Variants in IGSF21 observed in about 807,000 individuals in gnomAD.
IGSF21 encodes immunoglobin superfamily member 21.
Under a neutral mutation model 46.8 loss-of-function variants are expected in IGSF21, and 28 were observed. That is an observed-to-expected ratio of 0.60 (90% CI 0.44 to 0.82). The LOEUF is 0.82. Among genes scored for constraint, IGSF21 ranks in the 40% least tolerant of loss-of-function variants. The probability of loss-of-function intolerance (pLI) is 0.00; values close to 1 mark genes in which losing one functional copy is unlikely to be tolerated. For synonymous variants in IGSF21, 284 were observed against 273.6 expected, an observed-to-expected ratio of 1.04 and a Z score of -0.38; for missense variants, 624 against 665.5, an observed-to-expected ratio of 0.94 and a Z score of 0.69.
chr1:18,175,478 A>C (rs1297813232), intron 1 of IGSF21, among the ~76,000 whole-genome samples: 1 of 152,204 alleles, frequency 6.6e-6, no homozygotes, highest in Non-Finnish European at 1.5e-5. Context: ...CCATGGAATA[A>C]CAAGGGCAGC....
chr1:18,318,737 G>A (rs223210), intron 3 of IGSF21, among the ~76,000 whole-genome samples: 4,874 of 152,048 alleles, frequency 0.032, 246 homozygotes, highest in African/African-American at 0.11. Flanking sequence ...GCCCAGAATC[G>A]GCCTGTCAAC....
chr1:18,156,518 C>T (rs868373388), intron 1 of IGSF21, among the ~76,000 whole-genome samples: 8 of 152,352 alleles, frequency 5.3e-5, no homozygotes, highest in Middle Eastern at 3.4e-3. Flanking sequence ...ACAACAAAGC[C>T]ACTGTCCCCG....
At chr1:18,188,787 T>G (rs1182866385) in intron 1 of IGSF21, among the ~76,000 whole-genome samples, 1 of 152,166 alleles carries the variant, frequency 6.6e-6, no homozygotes, top group Non-Finnish European at 1.5e-5. Context: ...AGAAGCAAAG[T>G]CAGTTGATCA....
chr1:18,344,014 G>C (rs1192106157), intron 4 of IGSF21, among the ~76,000 whole-genome samples: 10 of 152,136 alleles, frequency 6.6e-5, no homozygotes, highest in African/African-American at 1.7e-4. Context: ...GGTAATGAAG[G>C]CTGAGTCTAC....
chr1:18,368,514 AAG>A (rs1462998155), intron 6 of IGSF21, among the ~76,000 whole-genome samples: 2 of 123,850 alleles, frequency 1.6e-5, no homozygotes, highest in Admixed American at 8.8e-5. Context: ...TCATCTCAAA[AAG>A]AAAAAAAAAA....
rs141820553 is a variant in IGSF21 at position 18,365,497 on chromosome 1, G to A, written c.815G>A (p.Arg272His). ...TENIPETVVS[R>H]EFPRWVHSAE... The stretch of plus-strand genomic sequence containing the variant: ...AACATACCAGAGACGGTCGTGAGCC[G>A]TGAGTTTCCCCGCTGGGTCCACAGC... The change falls in exon 6 of 10, where the codon CGT becomes CAT. Residue 272 changes from arginine (R) to histidine (H), a missense_variant. Coordinates refer to ENST00000251296, the MANE Select transcript of IGSF21 (RefSeq NM_032880.5). This position sits in a 1 kb window ranked among gnomAD's most constrained non-coding sequence, Gnocchi z 4.8. The A allele has an allele frequency of 2.8e-4, 453 of 1,613,912 alleles. 1 individual carries two copies. Among genetic ancestry groups the A allele is most frequent in the South Asian group, 1.7e-3 (155 of 91,054 alleles).
chr1:18,347,973 A>G (rs1037333027), intron 4 of IGSF21, among the ~76,000 whole-genome samples: 2 of 152,212 alleles, frequency 1.3e-5, no homozygotes, highest in African/African-American at 4.8e-5. Context: ...TCATTTTGAT[A>G]TAGGACAGCC....
intron 2 of IGSF21, among the ~76,000 whole-genome samples, chr1:18,237,965 G>A (rs2084688451): frequency 6.6e-6 from 1 of 151,898 alleles, no homozygotes; most frequent in South Asian, 2.1e-4. Flanking sequence ...GATTCTATGT[G>A]GGGGCCTCAG....
intron 2 of IGSF21, among the ~76,000 whole-genome samples, chr1:18,228,444 C>A (rs757883988): frequency 6.6e-6 from 1 of 152,168 alleles, no homozygotes; most frequent in Admixed American, 6.5e-5. Flanking sequence ...AGTCTGCCAC[C>A]TAATCTGACT....
At chr1:18,311,254 C>T (rs1195603798) in intron 3 of IGSF21, among the ~76,000 whole-genome samples, 2 of 152,180 alleles carry the variant, frequency 1.3e-5, no homozygotes, top group Non-Finnish European at 1.5e-5. Flanking sequence ...AAAGTGTCCA[C>T]CATGCCTCTC....
chr1:18,165,254 C>G (rs1302700326), intron 1 of IGSF21, among the ~76,000 whole-genome samples: 4 of 152,136 alleles, frequency 2.6e-5, no homozygotes, highest in Non-Finnish European at 5.9e-5. Context: ...TCCCACAGTT[C>G]TGGATGCTGG....
chr1:18,108,287 A>G, intron 1 of IGSF21, 89 bp downstream of exon 1: 2 of 1,232,658 alleles, frequency 1.6e-6, no homozygotes, highest in Non-Finnish European at 2.0e-6. Flanking sequence ...GGTCGCTCCG[A>G]GAGGCTCGGG....
chr1:18,358,337 G>A (rs966580025), intron 4 of IGSF21, among the ~76,000 whole-genome samples: 3 of 152,154 alleles, frequency 2.0e-5, no homozygotes, highest in South Asian at 4.1e-4. Context: ...AGGTGAAATT[G>A]ATTCTAGTAA....
chr1:18,202,296 C>T (rs1030444555), intron 1 of IGSF21, among the ~76,000 whole-genome samples: 13 of 152,166 alleles, frequency 8.5e-5, no homozygotes, highest in African/African-American at 2.4e-4. Flanking sequence ...CACAGGAGGA[C>T]GGCTCAAGGC....
At chr1:18,321,622 C>A (rs1325061554) in intron 3 of IGSF21, among the ~76,000 whole-genome samples, 1 of 152,196 alleles carries the variant, frequency 6.6e-6, no homozygotes, top group East Asian at 1.9e-4. Flanking sequence ...ACCCCATGAG[C>A]CAGAAAGTGG....
chr1:18,341,005 C>T (rs1473001946), intron 4 of IGSF21, among the ~76,000 whole-genome samples: 1,308 of 111,434 alleles, frequency 0.012, 26 homozygotes, highest in African/African-American at 0.042. Context: ...TCCTCCTCCT[C>T]CTTCTTCTCT....
At chr1:18,139,962 A>T (rs995943801) in intron 1 of IGSF21, among the ~76,000 whole-genome samples, 1 of 152,096 alleles carries the variant, frequency 6.6e-6, no homozygotes, top group Non-Finnish European at 1.5e-5. Context: ...AAAAAATTTT[A>T]TTTAGACAGG....
rs1328540840 is a variant in IGSF21, at chr1:18,291,995, C to G, written c.305+8C>G. Reference sequence around the variant, plus strand: ...GTACCAGTCCACTGTGAGGTGAGTGCCTGGGGGTGGCGGGCCGACAGCGGG... The same window carrying G: ...GTACCAGTCCACTGTGAGGTGAGTGGCTGGGGGTGGCGGGCCGACAGCGGG... On this transcript the variant is annotated splice_region_variant and intron_variant, in intron 3 of 9. Transcript: ENST00000251296. 6.2e-7 allele frequency: 1 copy of G among 1,612,440 alleles called. No homozygotes were observed. Among genetic ancestry groups the G allele is most frequent in the Middle Eastern group, 1.7e-4 (1 of 5,982 alleles).
intron 2 of IGSF21, among the ~76,000 whole-genome samples, chr1:18,230,980 G>A (rs748878723): frequency 1.3e-4 from 19 of 151,482 alleles, no homozygotes; most frequent in Non-Finnish European, 2.5e-4. Context: ...TTTTCTGTAC[G>A]TGTGTTTGCT....
Sources: allele counts gnomAD v4.1 joint callset (sites outside exome capture counted in the v4.1 genomes callset), GRCh38; gene constraint gnomAD v4.1.1; non-coding constraint Gnocchi (gnomAD v3.1); transcripts MANE v1.5; gene names NCBI Gene and HGNC (gene_info 2026-07-23, HGNC 2026-07-21).